The following ZBTB16 variants were observed in gnomAD, a reference collection of about 807,000 sequenced individuals.
ZBTB16 encodes zinc finger and BTB domain-containing protein 16.
Under a neutral mutation model 56.8 loss-of-function variants are expected in ZBTB16, and 8 were observed. The observed-to-expected ratio is 0.14, with a 90% CI of 0.08 to 0.25. The LOEUF is 0.25. ZBTB16 is among the 10% of genes least tolerant of loss of function. The pLI is 1.00. For synonymous variants in ZBTB16, 363 were observed against 368.5 expected (o/e 0.98, Z 0.17); for missense variants, 625 against 903.0 (o/e 0.69, Z 3.95).
intron 4 of ZBTB16, among the ~76,000 whole-genome samples, chr11:114,221,887 A>C (rs1219782587): frequency 6.6e-6 from 1 of 152,196 alleles, no homozygotes; most frequent in Non-Finnish European, 1.5e-5. Context: ...GATGAGTGAA[A>C]TGTATGGCCC....
intron 2 of ZBTB16, among the ~76,000 whole-genome samples, chr11:114,141,874 G>A (rs989171851): frequency 4.6e-5 from 7 of 152,234 alleles, no homozygotes; most frequent in Non-Finnish European, 7.3e-5. Context: ...ATGAAAATGC[G>A]CAGAATAGTG....
intron 2 of ZBTB16, among the ~76,000 whole-genome samples, chr11:114,117,106 G>T (rs1478918199): frequency 2.0e-5 from 3 of 152,130 alleles, no homozygotes; most frequent in Non-Finnish European, 2.9e-5. Context: ...TAGACCAGAG[G>T]GAAAGGCATT....
intron 2 of ZBTB16, among the ~76,000 whole-genome samples, chr11:114,094,715 C>T (rs1940316151): frequency 1.3e-5 from 2 of 152,334 alleles, no homozygotes; most frequent in South Asian, 4.1e-4. Context: ...AGGGTCTATC[C>T]CACAGTGAGC....
intron 2 of ZBTB16, among the ~76,000 whole-genome samples, chr11:114,122,159 A>G (rs1941363278): frequency 6.6e-6 from 1 of 152,210 alleles, no homozygotes; most frequent in South Asian, 2.1e-4. Context: ...CACGCCCTGT[A>G]TGTGAGGCAT....
chr11:114,160,858 G>T (rs1401799046), intron 3 of ZBTB16, among the ~76,000 whole-genome samples: 4 of 152,088 alleles, frequency 2.6e-5, no homozygotes, highest in African/African-American at 9.7e-5. Flanking sequence ...GGGTCAGAAG[G>T]GTTTGCGTGT....
At chr11:114,084,962 G>A (rs565338642) in intron 2 of ZBTB16, among the ~76,000 whole-genome samples, 3 of 152,298 alleles carry the variant, frequency 2.0e-5, no homozygotes, top group African/African-American at 7.2e-5. Context: ...TTCAATGATT[G>A]AGGACTCTTG....
At chr11:114,095,723 GT>G (rs1940379054) in intron 2 of ZBTB16, among the ~76,000 whole-genome samples, 1 of 152,188 alleles carries the variant, frequency 6.6e-6, no homozygotes, top group Non-Finnish European at 1.5e-5. Context: ...GGCCTAGGGG[GT>G]TAGGAGAGTA....
At chr11:114,128,230 G>GA (rs1941565351) in intron 2 of ZBTB16, among the ~76,000 whole-genome samples, 1 of 152,204 alleles carries the variant, frequency 6.6e-6, no homozygotes, top group South Asian at 2.1e-4. Flanking sequence ...GCCTGGGGGG[G>GA]ATCCCAAGGT....
At chr11:114,218,226 C>A (rs913654710) in intron 4 of ZBTB16, among the ~76,000 whole-genome samples, 1 of 152,218 alleles carries the variant, frequency 6.6e-6, no homozygotes, top group African/African-American at 2.4e-5. Flanking sequence ...GTGAACCCTT[C>A]TTGCTGGTTC....
chr11:114,198,561 T>TA (rs1399609442), intron 4 of ZBTB16, among the ~76,000 whole-genome samples: 1 of 152,160 alleles, frequency 6.6e-6, no homozygotes, highest in Non-Finnish European at 1.5e-5. Flanking sequence ...GGGCCCCCGA[T>TA]ACTCTTTTTT....
chr11:114,163,417 T>A (rs1454719157), intron 3 of ZBTB16, among the ~76,000 whole-genome samples: 1 of 149,240 alleles, frequency 6.7e-6, no homozygotes, highest in Non-Finnish European at 1.5e-5. Flanking sequence ...TTGTTTTTGT[T>A]TTTTTTGGTT....
intron 3 of ZBTB16, among the ~76,000 whole-genome samples, chr11:114,175,019 G>A (rs765189243): frequency 7.9e-5 from 12 of 152,194 alleles, no homozygotes; most frequent in African/African-American, 1.2e-4. Context: ...AATCAGGAGC[G>A]TTAGCAGCTT....
intron 2 of ZBTB16, among the ~76,000 whole-genome samples, chr11:114,113,649 T>C (rs1004904928): frequency 1.3e-5 from 2 of 152,236 alleles, no homozygotes; most frequent in Admixed American, 6.5e-5. Context: ...GTTTGGGATT[T>C]AGAAAATTTG....
chr11:114,096,123 A>C (rs1014595836), intron 2 of ZBTB16, among the ~76,000 whole-genome samples: 1 of 152,188 alleles, frequency 6.6e-6, no homozygotes, highest in Non-Finnish European at 1.5e-5. Context: ...TAAATTCCTC[A>C]TGGTCTGAGC....
At chr11:114,206,117 C>T (rs1591781166) in intron 4 of ZBTB16, among the ~76,000 whole-genome samples, 1 of 152,130 alleles carries the variant, frequency 6.6e-6, no homozygotes, top group East Asian at 1.9e-4. Flanking sequence ...TCATCTAGTA[C>T]CAAGTCATGG....
chr11:114,173,588 G>A (rs1461142530), intron 3 of ZBTB16, among the ~76,000 whole-genome samples: 1 of 152,180 alleles, frequency 6.6e-6, no homozygotes, highest in Non-Finnish European at 1.5e-5. Context: ...CAAGATAATT[G>A]AATTTACCTG....
At chr11:114,246,897 G>A (rs1944826894) in intron 5 of ZBTB16, 2 of 446,348 alleles carry the variant, frequency 4.5e-6, no homozygotes, top group Admixed American at 3.4e-5. Context: ...GAGGTCTCAT[G>A]TATCCACAAG....
At chr11:114,065,950 T>C (rs1325819981) in intron 2 of ZBTB16, among the ~76,000 whole-genome samples, 1 of 152,112 alleles carries the variant, frequency 6.6e-6, no homozygotes, top group Non-Finnish European at 1.5e-5. Flanking sequence ...AGTAGCGAGT[T>C]TGTTTTTTTT....
intron 3 of ZBTB16, among the ~76,000 whole-genome samples, chr11:114,161,283 G>A (rs1201041231): frequency 6.6e-6 from 1 of 152,122 alleles, no homozygotes; most frequent in Non-Finnish European, 1.5e-5. Flanking sequence ...TGACTCGGCT[G>A]CATACGATTA....
Sources: gnomAD v4.1 joint callset for allele counts (sites outside exome capture counted in the v4.1 genomes callset) on GRCh38, gnomAD v4.1.1 for gene constraint, MANE v1.5 for transcripts, NCBI Gene and HGNC (gene_info 2026-07-23, HGNC 2026-07-21) for gene names.